PDE4D: variants seen among roughly 807,000 people sequenced by gnomAD.
The protein encoded by PDE4D is phosphodiesterase 4D, also known as 3',5'-cyclic-AMP phosphodiesterase 4D.
PDE4D carries 24 observed loss-of-function variants against 87.4 expected under a neutral mutation model. That is an observed-to-expected ratio of 0.27 (90% confidence interval 0.20 to 0.39). PDE4D has a LOEUF of 0.39. PDE4D is among the 10% of genes least tolerant of loss of function. The pLI is 1.00. For missense variants in PDE4D, 714 were observed against 1,041.0 expected, an observed-to-expected ratio of 0.69 and a Z score of 4.32; for synonymous variants, 384 against 383.2, an observed-to-expected ratio of 1.00 and a Z score of -0.02.
rs1260306004 is a variant in PDE4D, at chr5:60,267,644, CA to C, written c.-89-81958del. On this transcript the variant is annotated intron_variant, in intron 1 of 16. Coordinates refer to the PDE4D transcript ENST00000502484. ...GGCCAGTGCTGGTACTTGGAGGCAT[CA>C]AAAAAGTTCATTTCCTTACCTTTTC... Among the ~76,000 whole-genome samples the C allele has an allele frequency of 2.0e-5, 3 of 152,248 alleles. No individual in the cohort carries two copies. The East Asian group carries it at 5.8e-4, about 29-fold the overall frequency.
At chr5:59,515,550 A>C (rs1811010884) in intron 1 of PDE4D, among the ~76,000 whole-genome samples, 1 of 152,226 alleles carries the variant, frequency 6.6e-6, no homozygotes, top group African/African-American at 2.4e-5. Flanking sequence ...AGAATACCTA[A>C]AAGAATCAGA....
At chr5:59,946,345 C>T (rs1334038191) in intron 3 of PDE4D, among the ~76,000 whole-genome samples, 1 of 152,198 alleles carries the variant, frequency 6.6e-6, no homozygotes, top group South Asian at 2.1e-4. Context: ...AAACTCAGAC[C>T]CCAAAACTTC....
At chr5:59,739,516 A>G (rs1451880253) in intron 1 of PDE4D, among the ~76,000 whole-genome samples, 1 of 152,220 alleles carries the variant, frequency 6.6e-6, no homozygotes, top group African/African-American at 2.4e-5. Flanking sequence ...ATTCTTTTAC[A>G]CTATAAAAAT....
chr5:60,385,406 C>T lies in PDE4D; in HGVS notation c.-90+102536G>A, dbSNP rs143792778. On this transcript the variant is annotated intron_variant, in intron 1 of 16. Coordinates refer to the PDE4D transcript ENST00000502484. ...AGCTATTCATGCATCATTGTCTGAG[C>T]GATGCTCTCAAGGATGTTAACTTCT... Among the ~76,000 whole-genome samples the T allele has an allele frequency of 6.7e-3, 1,027 of 152,280 alleles. 12 individuals carry two copies. Among genetic ancestry groups the T allele is most frequent in the African/African-American group, 0.023 (968 of 41,546 alleles).
intron 1 of PDE4D, among the ~76,000 whole-genome samples, chr5:60,356,250 G>A (rs1759611558): frequency 6.6e-6 from 1 of 152,082 alleles, no homozygotes; most frequent in South Asian, 2.1e-4. Context: ...AAAACAGAGT[G>A]ATTATTATGT....
intron 1 of PDE4D, among the ~76,000 whole-genome samples, chr5:59,395,793 G>A (rs1307292742): frequency 8.2e-6 from 1 of 121,618 alleles, no homozygotes; most frequent in Non-Finnish European, 1.8e-5. Context: ...TGAGCTACGG[G>A]AGGACATTCA....
intron 2 of PDE4D, among the ~76,000 whole-genome samples, chr5:60,143,257 C>T (rs958748896): frequency 2.0e-5 from 3 of 152,136 alleles, no homozygotes; most frequent in African/African-American, 7.2e-5. Flanking sequence ...GCAAATAATG[C>T]CACATTCTCC....
intron 1 of PDE4D, among the ~76,000 whole-genome samples, chr5:60,221,934 T>C (rs1284822554): frequency 6.6e-6 from 1 of 152,062 alleles, no homozygotes; most frequent in Non-Finnish European, 1.5e-5. Context: ...GGACTTTCAT[T>C]CCATTTCCCT....
chr5:59,902,510 G>T (rs997406955), intron 3 of PDE4D, among the ~76,000 whole-genome samples: 6 of 152,104 alleles, frequency 3.9e-5, no homozygotes, highest in African/African-American at 1.2e-4. Flanking sequence ...TCAGATGGTT[G>T]TTACCCAGTG....
At chr5:59,954,629 G>A (rs1758645473) in intron 3 of PDE4D, among the ~76,000 whole-genome samples, 1 of 152,128 alleles carries the variant, frequency 6.6e-6, no homozygotes, top group Non-Finnish European at 1.5e-5. Context: ...TATTCTCAAA[G>A]ACCTAGCTGC....
chr5:59,466,783 T>G (rs1801642111), intron 1 of PDE4D, among the ~76,000 whole-genome samples: 1 of 152,124 alleles, frequency 6.6e-6, no homozygotes, highest in African/African-American at 2.4e-5. Flanking sequence ...GATGAACTTG[T>G]TAGGGAAGAT....
chr5:59,771,433 AAAAGAAAGAAAGAAAG>A (rs745783951), intron 1 of PDE4D, among the ~76,000 whole-genome samples: 7 of 93,828 alleles, frequency 7.5e-5, no homozygotes, highest in East Asian at 6.6e-4. Context: ...AAGAAAAAGA[AAAAGAAAGAAAGAAAG>A]AAAGAAAGAA....
intron 1 of PDE4D, among the ~76,000 whole-genome samples, chr5:60,295,253 C>A (rs1322466084): frequency 2.0e-5 from 3 of 152,216 alleles, no homozygotes; most frequent in Non-Finnish European, 4.4e-5. Context: ...TTTATGGAAG[C>A]TATTCCTTAT....
chr5:59,771,531 A>AAAG (rs1561638327), intron 1 of PDE4D, among the ~76,000 whole-genome samples: 155 of 147,760 alleles, frequency 1.0e-3, no homozygotes, highest in African/African-American at 3.9e-3. Flanking sequence ...AGAAAGAAAG[A>AAAG]AAGAAAGAAA....
At chr5:59,405,351 A>C (rs1031269491) in intron 1 of PDE4D, among the ~76,000 whole-genome samples, 11 of 152,238 alleles carry the variant, frequency 7.2e-5, no homozygotes, top group African/African-American at 2.7e-4. Flanking sequence ...AAATGGGATT[A>C]CATTCTTGAT....
intron 1 of PDE4D, among the ~76,000 whole-genome samples, chr5:60,237,338 A>G (rs1228744469): frequency 1.3e-5 from 2 of 152,076 alleles, no homozygotes; most frequent in Admixed American, 1.3e-4. Context: ...TGTTTGTAGT[A>G]GCCAAAAATT....
chr5:59,535,515 CAAA>C (rs1478462293), intron 1 of PDE4D, among the ~76,000 whole-genome samples: 1 of 152,078 alleles, frequency 6.6e-6, no homozygotes, highest in African/African-American at 2.4e-5. Context: ...GATGCAAAAA[CAAA>C]AAGATAATAT....
At chr5:59,111,457 C>T (rs573948046) in intron 5 of PDE4D, among the ~76,000 whole-genome samples, 2 of 152,248 alleles carry the variant, frequency 1.3e-5, no homozygotes, top group African/African-American at 4.8e-5. Flanking sequence ...TTCCAATAGG[C>T]TCTTGAGGTT....
At chr5:59,068,577 T>C (rs143621084) in intron 5 of PDE4D, among the ~76,000 whole-genome samples, 1 of 152,210 alleles carries the variant, frequency 6.6e-6, no homozygotes, top group Admixed American at 6.5e-5. Context: ...ATCTTATTAA[T>C]GTTATATGCA....
Sources: gnomAD v4.1 joint callset for allele counts (sites outside exome capture counted in the v4.1 genomes callset) on GRCh38, gnomAD v4.1.1 for gene constraint, MANE v1.5 for transcripts, NCBI Gene and HGNC (gene_info 2026-07-23, HGNC 2026-07-21) for gene names.